Variants in SV2C observed in about 807,000 individuals in gnomAD.
SV2C encodes the protein solute carrier family 22 member B3.
SV2C carries 49 observed loss-of-function variants against 79.7 expected under a neutral mutation model. The observed-to-expected ratio is 0.61, with a 90% CI of 0.49 to 0.78. The LOEUF (loss-of-function observed/expected upper bound fraction) is 0.78, where lower values mean the gene tolerates loss of function less well. Among genes scored for constraint, SV2C ranks in the 30% least tolerant of loss-of-function variants. The probability of loss-of-function intolerance (pLI) is 0.00; values close to 1 mark genes in which losing one functional copy is unlikely to be tolerated. For missense variants in SV2C, 833 were observed against 912.9 expected (o/e 0.91, Z 1.13); for synonymous variants, 334 against 333.2 (o/e 1.00, Z -0.03).
At chr5:76,234,400 A>G (rs1360860122) in intron 4 of SV2C, among the ~76,000 whole-genome samples, 1 of 152,218 alleles carries the variant, frequency 6.6e-6, no homozygotes, top group Non-Finnish European at 1.5e-5. Flanking sequence ...TCAGTGTAAC[A>G]TATTCCAGGT....
chr5:76,026,715 C>A, the SV2C span, among the ~76,000 whole-genome samples: 5 of 152,058 alleles, frequency 3.3e-5, no homozygotes, highest in African/African-American at 1.2e-4. Context: ...AGATAGTGAG[C>A]CTAACTAAAG....
chr5:75,850,693 G>A, the SV2C span, among the ~76,000 whole-genome samples: 1 of 151,998 alleles, frequency 6.6e-6, no homozygotes, highest in Admixed American at 6.6e-5. Context: ...TTTTAGGTTA[G>A]GAAAGGCAGA....
intron 12 of SV2C, among the ~76,000 whole-genome samples, chr5:76,305,674 A>G (rs570083307): frequency 6.6e-6 from 1 of 152,322 alleles, no homozygotes; most frequent in African/African-American, 2.4e-5. Flanking sequence ...TTAAATCTAG[A>G]TGTACTTACT....
intron 12 of SV2C, among the ~76,000 whole-genome samples, chr5:76,346,733 G>T (rs1264561587): frequency 6.6e-6 from 1 of 152,192 alleles, no homozygotes; most frequent in Admixed American, 6.5e-5. Context: ...CATGTTTGTT[G>T]AATGAATAAA....
the SV2C span, among the ~76,000 whole-genome samples, chr5:75,985,427 T>A: frequency 6.6e-6 from 1 of 151,990 alleles, no homozygotes. Context: ...AACTGGGAAC[T>A]ACAGTCAGGT....
At chr5:76,350,130 C>T (rs990821528) in intron 12 of SV2C, among the ~76,000 whole-genome samples, 7 of 152,152 alleles carry the variant, frequency 4.6e-5, no homozygotes, top group South Asian at 2.1e-4. Context: ...AAGAATTAAA[C>T]GATCACAAAT....
chr5:75,948,287 A>G, the SV2C span, among the ~76,000 whole-genome samples: 113 of 152,168 alleles, frequency 7.4e-4, no homozygotes, highest in East Asian at 7.8e-3. Context: ...GTAGATACAC[A>G]TGTTTGGGAA....
At chr5:76,102,395 G>A (rs1430078922) in intron 1 of SV2C, among the ~76,000 whole-genome samples, 3 of 152,094 alleles carry the variant, frequency 2.0e-5, no homozygotes, top group African/African-American at 7.2e-5. Flanking sequence ...GTCATTCCTG[G>A]TCTTCTAAGG....
chr5:76,029,669 T>C, the SV2C span, among the ~76,000 whole-genome samples: 3 of 152,094 alleles, frequency 2.0e-5, no homozygotes, highest in Non-Finnish European at 2.9e-5. Context: ...TAGCCATTTT[T>C]ATCCACCCTA....
upstream of SV2C, among the ~76,000 whole-genome samples, chr5:76,078,509 C>G (rs1442958342): frequency 6.6e-6 from 1 of 152,152 alleles, no homozygotes; most frequent in Admixed American, 6.5e-5. Flanking sequence ...TTCACTGATA[C>G]AAGCAGGCAT....
intron 4 of SV2C, among the ~76,000 whole-genome samples, chr5:76,211,252 A>G (rs747535931): frequency 6.6e-6 from 1 of 151,796 alleles, no homozygotes; most frequent in Non-Finnish European, 1.5e-5. Context: ...ACCTGTCCAC[A>G]CTCCCAGATC....
At chr5:76,047,113 A>C in the SV2C span, among the ~76,000 whole-genome samples, 1 of 152,168 alleles carries the variant, frequency 6.6e-6, no homozygotes, top group African/African-American at 2.4e-5. Flanking sequence ...TTGAAATGTA[A>C]TGTACATCCA....
chr5:76,325,230 C>A, intron 12 of SV2C, 134 bp from the exon 13 acceptor site: 1 of 892,548 alleles, frequency 1.1e-6, no homozygotes, highest in Non-Finnish European at 1.7e-6. Context: ...GATTTGCTAA[C>A]AAGCATTGAT....
chr5:75,961,295 A>G, the SV2C span, among the ~76,000 whole-genome samples: 3 of 152,154 alleles, frequency 2.0e-5, no homozygotes, highest in South Asian at 6.2e-4. Flanking sequence ...ATACAGACAC[A>G]TAATTCATAA....
At chr5:76,154,526 G>C (rs1742662155) in intron 2 of SV2C, among the ~76,000 whole-genome samples, 1 of 152,146 alleles carries the variant, frequency 6.6e-6, no homozygotes, top group Non-Finnish European at 1.5e-5. Context: ...CTCATCCTGA[G>C]TGCTACGCTG....
intron 6 of SV2C, among the ~76,000 whole-genome samples, chr5:76,290,837 G>T (rs1263397996): frequency 6.6e-6 from 1 of 152,020 alleles, no homozygotes; most frequent in East Asian, 1.9e-4. Flanking sequence ...AGGTTTCAAA[G>T]AAAAAAATGT....
At chr5:76,086,266 A>G (rs1468819312) in intron 1 of SV2C, among the ~76,000 whole-genome samples, 5 of 152,186 alleles carry the variant, frequency 3.3e-5, no homozygotes, top group African/African-American at 4.8e-5. Context: ...GCAATATATC[A>G]CGTGACGACA....
chr5:75,980,535 C>T, the SV2C span, among the ~76,000 whole-genome samples: 1 of 152,102 alleles, frequency 6.6e-6, no homozygotes, highest in African/African-American at 2.4e-5. Flanking sequence ...TAGGCTTCAT[C>T]CCCGGGATAC....
Position 76,281,471 on chromosome 5 carries a change from G to A in SV2C, c.914-3691G>A, listed in dbSNP as rs560189920. The stretch of plus-strand genomic sequence containing the variant: ...CGGTTCTCCAACTTAACTTCTATCA[G>A]CCAAGTTAGCAGTAGAGCTTTAACT... On this transcript the variant is annotated intron_variant, in intron 4 of 12. Transcript: ENST00000502798. Among the ~76,000 whole-genome samples the A allele has an allele frequency of 4.9e-4, 75 of 151,820 alleles. 1 individual carries two copies. The highest frequency in any genetic ancestry group is 4.4e-3 in the Admixed American group (67 of 15,254).
Sources: gnomAD v4.1 joint callset for allele counts (sites outside exome capture counted in the v4.1 genomes callset) on GRCh38, gnomAD v4.1.1 for gene constraint, MANE v1.5 for transcripts, NCBI Gene and HGNC (gene_info 2026-07-23, HGNC 2026-07-21) for gene names.